The following CACNA1C variants were observed in gnomAD, a reference collection of about 807,000 sequenced individuals.
CACNA1C encodes voltage-dependent L-type calcium channel subunit alpha-1C.
CACNA1C carries 30 observed loss-of-function variants against 229.0 expected under a neutral mutation model. The ratio of observed to expected loss-of-function variants is 0.13; its 90% CI spans 0.10 to 0.18. The LOEUF is 0.18. Ranked by LOEUF, CACNA1C falls within the 10% of genes least tolerant of loss-of-function variation. CACNA1C has a pLI of 1.00. For synonymous variants in CACNA1C, 1,114 were observed against 1,132.5 expected, an observed-to-expected ratio of 0.98 and a Z score of 0.33; for missense variants, 1,658 against 2,845.0, an observed-to-expected ratio of 0.58 and a Z score of 9.49.
At chr12:2,618,760 G>A (rs549801544) in intron 29 of CACNA1C, among the ~76,000 whole-genome samples, 1 of 152,254 alleles carries the variant, frequency 6.6e-6, no homozygotes, top group East Asian at 1.9e-4. Flanking sequence ...ACCAGGAGAA[G>A]GAAGGGGAAG....
intron 13 of CACNA1C, among the ~76,000 whole-genome samples, chr12:2,571,117 C>T (rs1258344129): frequency 6.6e-6 from 1 of 152,174 alleles, no homozygotes; most frequent in Non-Finnish European, 1.5e-5. Context: ...TAGGCTACTA[C>T]TATTATTATT....
chr12:2,481,984 A>C (rs964677781), intron 5 of CACNA1C, among the ~76,000 whole-genome samples: 4 of 152,244 alleles, frequency 2.6e-5, no homozygotes, highest in Non-Finnish European at 5.9e-5. Context: ...TGGGTGGAGA[A>C]ATGTCGTGTA....
At chr12:2,065,489 T>C (rs562961688) in intron 1 of CACNA1C, among the ~76,000 whole-genome samples, 1 of 149,182 alleles carries the variant, frequency 6.7e-6, no homozygotes, top group South Asian at 2.2e-4. Flanking sequence ...GCAGTTTGCT[T>C]ATAGGATCTC....
intron 3 of CACNA1C, among the ~76,000 whole-genome samples, chr12:2,419,061 T>C (rs1205088970): frequency 6.6e-6 from 1 of 152,212 alleles, no homozygotes; most frequent in Non-Finnish European, 1.5e-5. Flanking sequence ...ATTAGAAAAC[T>C]GAGGCCCTCC....
chr12:2,358,326 C>T (rs893105022), intron 3 of CACNA1C, among the ~76,000 whole-genome samples: 6 of 146,940 alleles, frequency 4.1e-5, no homozygotes, highest in African/African-American at 1.5e-4. Flanking sequence ...TCATCTTCAG[C>T]ATATCCAGTG....
intron 3 of CACNA1C, among the ~76,000 whole-genome samples, chr12:2,193,936 G>C (rs2097317844): frequency 6.6e-6 from 1 of 152,110 alleles, no homozygotes; most frequent in Non-Finnish European, 1.5e-5. Context: ...CTTGAGGTTA[G>C]CCATCCTTGT....
chr12:1,973,021 T>C (rs1472028767), intron 1 of CACNA1C, among the ~76,000 whole-genome samples: 1 of 152,204 alleles, frequency 6.6e-6, no homozygotes, highest in Non-Finnish European at 1.5e-5. Flanking sequence ...TCTTCCCCAT[T>C]TGGAATGTTT....
chr12:2,578,229 C>T (rs1262612781), intron 13 of CACNA1C, among the ~76,000 whole-genome samples: 3 of 152,166 alleles, frequency 2.0e-5, no homozygotes, highest in Non-Finnish European at 4.4e-5. Context: ...GATGTGAGGC[C>T]TGAAGGAGCT....
At chr12:2,161,520 A>T (rs2095853739) in intron 3 of CACNA1C, among the ~76,000 whole-genome samples, 1 of 152,200 alleles carries the variant, frequency 6.6e-6, no homozygotes. Context: ...AGACCCCATC[A>T]CAGAGCCCAT....
intron 13 of CACNA1C, among the ~76,000 whole-genome samples, chr12:2,580,695 G>A (rs887739137): frequency 6.6e-6 from 1 of 152,166 alleles, no homozygotes; most frequent in African/African-American, 2.4e-5. Context: ...TGTATTTATA[G>A]TGGAGAGAGG....
At chr12:2,006,578 T>C (rs558160601) in intron 1 of CACNA1C, among the ~76,000 whole-genome samples, 5 of 152,292 alleles carry the variant, frequency 3.3e-5, no homozygotes, top group Non-Finnish European at 5.9e-5. Flanking sequence ...CTATTTGATA[T>C]AGAAATATCA....
intron 3 of CACNA1C, among the ~76,000 whole-genome samples, chr12:2,191,354 A>G (rs1174693021): frequency 2.6e-5 from 4 of 152,072 alleles, no homozygotes; most frequent in Admixed American, 2.6e-4. Flanking sequence ...GTCTCCGCAC[A>G]TCTTCCCAGG....
intron 3 of CACNA1C, among the ~76,000 whole-genome samples, chr12:2,359,538 ATT>A (rs200608699): frequency 0.037 from 5,252 of 143,422 alleles, 142 homozygotes; most frequent in East Asian, 0.14. Flanking sequence ...TTGGAGCAGG[ATT>A]TTTTTTTTTT....
intron 3 of CACNA1C, among the ~76,000 whole-genome samples, chr12:2,414,078 T>C (rs551449746): frequency 4.6e-5 from 7 of 152,168 alleles, no homozygotes; most frequent in Admixed American, 4.6e-4. Flanking sequence ...GCCCAAGTCC[T>C]ATCCCGTCTC....
Position 2,185,325 on chromosome 12 carries a change from C to T in CACNA1C, c.477+64895C>T, listed in dbSNP as rs79255478. 9.3e-3 allele frequency among the ~76,000 whole-genome samples: 1,419 copies of T among 152,328 alleles called. 10 individuals carry two copies. Among genetic ancestry groups the T allele is most frequent in the Non-Finnish European group, 0.015 (1,041 of 68,024 alleles). Reference sequence around the variant, plus strand: ...ACCGCTCCCCACCCCGTCTACTCTCCATATCCCACCACGCCCTCAGGGCCT... The same window carrying T: ...ACCGCTCCCCACCCCGTCTACTCTCTATATCCCACCACGCCCTCAGGGCCT... On this transcript the variant is annotated intron_variant, in intron 3 of 46. Coordinates refer to ENST00000399655, the MANE Select transcript of CACNA1C (RefSeq NM_000719.7).
chr12:2,338,373 G>A (rs1202440119), intron 3 of CACNA1C, among the ~76,000 whole-genome samples: 2 of 152,138 alleles, frequency 1.3e-5, no homozygotes, highest in African/African-American at 4.8e-5. Flanking sequence ...GTGCACAAGG[G>A]TCTGTCTGAG....
chr12:2,279,653 GT>G (rs1464103931), intron 3 of CACNA1C, among the ~76,000 whole-genome samples: 1 of 152,170 alleles, frequency 6.6e-6, no homozygotes, highest in African/African-American at 2.4e-5. Flanking sequence ...TTTTGACTGT[GT>G]TAGTATCGTA....
chr12:2,168,684 A>G (rs745926436), intron 3 of CACNA1C, among the ~76,000 whole-genome samples: 4 of 152,152 alleles, frequency 2.6e-5, no homozygotes, highest in Non-Finnish European at 5.9e-5. Context: ...ATGGCCTACT[A>G]TTAACCTGAC....
chr12:2,430,033 T>A (rs2099067764), intron 3 of CACNA1C, among the ~76,000 whole-genome samples: 2 of 152,190 alleles, frequency 1.3e-5, no homozygotes, highest in African/African-American at 4.8e-5. Flanking sequence ...AAGTCCAAGA[T>A]CAAGGTGCTG....
Sources: allele counts gnomAD v4.1 joint callset (sites outside exome capture counted in the v4.1 genomes callset), GRCh38; gene constraint gnomAD v4.1.1; transcripts MANE v1.5; gene names NCBI Gene and HGNC (gene_info 2026-07-23, HGNC 2026-07-21).